Variants in SLC26A3 observed in about 807,000 individuals in gnomAD.
SLC26A3 encodes chloride anion exchanger.
Under a neutral mutation model 85.6 loss-of-function variants are expected in SLC26A3, and 64 were observed. The observed-to-expected ratio is 0.75, with a 90% CI of 0.61 to 0.92. The LOEUF is 0.92. Among genes scored for constraint, SLC26A3 ranks in the 40% least tolerant of loss-of-function variants. SLC26A3 has a pLI of 0.00. For synonymous variants in SLC26A3, 349 were observed against 336.0 expected (o/e 1.04, Z -0.42); for missense variants, 922 against 927.3 (o/e 0.99, Z 0.07).
In SLC26A3 at chr7:107,765,882, GA is replaced by G. The variant is rs1193809030; in HGVS notation, c.2272-5del. 1 of 1,609,354 alleles carries G rather than the reference GA, an allele frequency of 6.2e-7. No individual in the cohort carries two copies. Among genetic ancestry groups the G allele is most frequent in the Non-Finnish European group, 8.5e-7 (1 of 1,176,216 alleles). On this transcript the variant is annotated splice_polypyrimidine_tract_variant and splice_region_variant and intron_variant, in intron 20 of 20. Transcript: ENST00000340010. The stretch of plus-strand genomic sequence containing the variant: ...AGAATTTTGTTTCAACTGGCACCTG[GA>G]AGAAGACAGAAAGTTCTTGTTTTAA...
Position 107,794,377 on chromosome 7 carries a change from A to C in SLC26A3, c.131+2T>G. The C allele has an allele frequency of 6.2e-7, 1 of 1,613,896 alleles. No individual in the cohort carries two copies. Among genetic ancestry groups the C allele is most frequent in the Non-Finnish European group, 8.5e-7 (1 of 1,179,856 alleles). ...ATGCCAATACCTTAAAAAATATCTT[A>C]CCTACAACACACTTTGAGATGATCC... On this transcript the variant is annotated splice_donor_variant, in intron 2 of 20. Coordinates refer to ENST00000340010, the MANE Select transcript of SLC26A3 (RefSeq NM_000111.3). LOFTEE classifies it high-confidence loss of function.
chr7:107,795,840 C>T (rs994025354), intron 1 of SLC26A3, among the ~76,000 whole-genome samples: 3 of 152,058 alleles, frequency 2.0e-5, no homozygotes, highest in Admixed American at 2.0e-4. Context: ...TATCTTGTTA[C>T]ACCGTGCCCT....
At chr7:107,800,157 GTTC>G (rs1167943668) in intron 1 of SLC26A3, among the ~76,000 whole-genome samples, 2 of 152,100 alleles carry the variant, frequency 1.3e-5, no homozygotes, top group African/African-American at 4.8e-5. Flanking sequence ...TTTCCTTTGT[GTTC>G]TTCTTCTCCA....
At position 107,791,860 on chromosome 7, in the gene SLC26A3, A is replaced by T; in HGVS notation, c.352T>A (p.Phe118Ile). ...GATATGTGTCTGGAAGTGCCGAAGA[A>T]AAGGTAGATTATGGCTGGGAAAAAG... ...ASFFPAIIYL[F>I]FGTSRHISVG... Residue 118 changes from phenylalanine to isoleucine, a missense_variant, in exon 4 of 21, where the codon TTC (phenylalanine) becomes ATC (isoleucine). Transcript: ENST00000340010. 1 of 1,613,502 alleles carries T rather than the reference A, an allele frequency of 6.2e-7. No homozygotes were observed. Among genetic ancestry groups the T allele is most frequent in the Non-Finnish European group, 8.5e-7 (1 of 1,179,456 alleles).
intron 4 of SLC26A3, 69 bp from the exon 5 acceptor site, chr7:107,791,304 A>G (rs1322236586): frequency 1.4e-6 from 2 of 1,477,354 alleles, no homozygotes; most frequent in Non-Finnish European, 1.9e-6. Flanking sequence ...CAACCACAGA[A>G]TAAGACCATA....
intron 18 of SLC26A3, among the ~76,000 whole-genome samples, chr7:107,769,834 T>C (rs10487275): frequency 0.25 from 38,460 of 151,920 alleles, 4,975 homozygotes; most frequent in East Asian, 0.3. Flanking sequence ...TTTCGAAGGA[T>C]ATGTGTACCA....
In SLC26A3 at chr7:107,767,589, C is replaced by T. The variant is rs764283355; in HGVS notation, c.2261G>A (p.Arg754Gln). The T allele has an allele frequency of 8.1e-6, 13 of 1,607,336 alleles. No homozygotes were observed. Among genetic ancestry groups the T allele is most frequent in the East Asian group, 6.7e-5 (3 of 44,840 alleles). ...GTTGAAGAATCTTACCTCATATACC[C>T]GATTACGTAATCCTCCATTTGTATT... Reference protein sequence around the residue: ...TINTNGGLRNRVYEVPVETKF With the variant: ...TINTNGGLRNQVYEVPVETKF The change falls in exon 20 of 21, where the codon CGG (arginine) becomes CAG (glutamine). Residue 754 changes from arginine to glutamine, a missense_variant. Arg to Gln is a conservative substitution (Grantham distance 43). Coordinates refer to ENST00000340010, the MANE Select transcript of SLC26A3 (RefSeq NM_000111.3).
Position 107,783,016 on chromosome 7 carries a change from T to C in SLC26A3, c.1197A>G (p.Arg399=). The C allele has an allele frequency of 6.2e-7, 1 of 1,614,184 alleles. No homozygotes were observed. Among genetic ancestry groups the C allele is most frequent in the Non-Finnish European group, 8.5e-7 (1 of 1,180,012 alleles). Residue 399 remains arginine, a synonymous_variant, in exon 10 of 21, where the codon AGA becomes AGG. Transcript: ENST00000340010. ...CTCCTGTGCTCTCCTGAACTGCTGA[T>C]CTGGAGAGGGCAGTACTCCCAGCAA... ...RGFAGSTALS[R]SAVQESTGGK...
rs1297534456 is a variant in SLC26A3 at position 107,794,435 on chromosome 7, A to T, written c.75T>A (p.His25Gln). The T allele has an allele frequency of 6.2e-7, 1 of 1,614,014 alleles. No individual in the cohort carries two copies. The highest frequency in any genetic ancestry group is 1.3e-5 in the African/African-American group (1 of 75,048). ...TCTTATGATGTCTTCCTGTCTTTTTATGATTTTCCTCAAAAGCATTTGTAG... is the reference window on the plus strand; with the variant it reads ...TCTTATGATGTCTTCCTGTCTTTTTTTGATTTTCCTCAAAAGCATTTGTAG... ...VYSTNAFEEN[H>Q]KKTGRHHKTF... The change falls in exon 2 of 21, where the codon CAT becomes CAA. Residue 25 changes from histidine (H) to glutamine (Q), a missense_variant. By Grantham distance (24) the His-to-Gln change is conservative (BLOSUM62 0). Transcript: ENST00000340010.
intron 13 of SLC26A3, among the ~76,000 whole-genome samples, chr7:107,777,325 T>G (rs555854675): frequency 6.6e-6 from 1 of 152,360 alleles, no homozygotes; most frequent in South Asian, 2.1e-4. Flanking sequence ...CTGGTCGCCA[T>G]GGCTCATGAC....
chr7:107,775,307 A>C (rs1399133969), intron 15 of SLC26A3, among the ~76,000 whole-genome samples: 1 of 152,082 alleles, frequency 6.6e-6, no homozygotes, highest in African/African-American at 2.4e-5. Context: ...ATTATTGTAC[A>C]ATTTTATTTT....
At chr7:107,788,614 T>G (rs1320435466) in intron 6 of SLC26A3, among the ~76,000 whole-genome samples, 2 of 152,036 alleles carry the variant, frequency 1.3e-5, no homozygotes, top group Non-Finnish European at 2.9e-5. Context: ...CATAGACTTT[T>G]TTTTTCCTTT....
At chr7:107,799,697 T>A (rs1411734095) in intron 1 of SLC26A3, among the ~76,000 whole-genome samples, 1 of 152,184 alleles carries the variant, frequency 6.6e-6, no homozygotes, top group South Asian at 2.1e-4. Context: ...AAGGCTTCAA[T>A]TTCCTTAAAG....
chr7:107,787,654 T>C (rs1477380369), intron 6 of SLC26A3, 145 bp from the exon 7 acceptor site: 1 of 697,556 alleles, frequency 1.4e-6, no homozygotes, highest in Non-Finnish European at 2.4e-6. Context: ...CCCGGTTTAA[T>C]TGTGAATGTG....
chr7:107,794,271 T>C, intron 2 of SLC26A3, 108 bp downstream of exon 2: 1 of 1,265,152 alleles, frequency 7.9e-7, no homozygotes, highest in Non-Finnish European at 1.1e-6. Context: ...AGGAAAGGAC[T>C]GTAGGCTGTG....
intron 2 of SLC26A3, 122 bp from the exon 3 acceptor site, chr7:107,794,003 G>T: frequency 7.7e-7 from 1 of 1,292,012 alleles, no homozygotes. Context: ...TTCACTCCCA[G>T]TAACATTCTT....
At chr7:107,778,119 C>T in intron 13 of SLC26A3, 56 bp downstream of exon 13, 1 of 1,196,696 alleles carries the variant, frequency 8.4e-7, no homozygotes. Context: ...TTTTTTTCCT[C>T]TTCTGATTTG....
chr7:107,766,367 C>T (rs1793915189), intron 20 of SLC26A3, among the ~76,000 whole-genome samples: 1 of 152,146 alleles, frequency 6.6e-6, no homozygotes, highest in African/African-American at 2.4e-5. Context: ...TCCTCCAATA[C>T]TTGGTGACAA....
rs78787429 is a variant in SLC26A3 at position 107,786,651 on chromosome 7, T to G, written c.971+176A>C. Among the ~76,000 whole-genome samples, 2,761 of 151,960 alleles carry G rather than the reference T, an allele frequency of 0.018. 81 individuals carry two copies. The highest frequency in any genetic ancestry group is 0.064 in the African/African-American group (2,652 of 41,420). On this transcript the variant is annotated intron_variant, in intron 8 of 20. Coordinates refer to ENST00000340010, the MANE Select transcript of SLC26A3 (RefSeq NM_000111.3). Reference sequence around the variant, plus strand: ...AAAGAACTGCACACCCTGCCTTTCTTTGTAGCACCTTCCTAGAAGGAAAGC... The same window carrying G: ...AAAGAACTGCACACCCTGCCTTTCTGTGTAGCACCTTCCTAGAAGGAAAGC...
Sources: gnomAD v4.1 joint callset for allele counts (sites outside exome capture counted in the v4.1 genomes callset) on GRCh38, gnomAD v4.1.1 for gene constraint, MANE v1.5 for transcripts, NCBI Gene and HGNC (gene_info 2026-07-23, HGNC 2026-07-21) for gene names.